DGKI: variants seen among roughly 807,000 people sequenced by gnomAD.
The protein encoded by DGKI is diacylglycerol kinase iota.
Under a neutral mutation model 147.5 loss-of-function variants are expected in DGKI, and 55 were observed. The ratio of observed to expected loss-of-function variants is 0.37; its 90% CI spans 0.30 to 0.47. The LOEUF is 0.47. Ranked by LOEUF, DGKI falls within the 20% of genes least tolerant of loss-of-function variation. The pLI is 1.00. For synonymous variants in DGKI, 469 were observed against 477.1 expected, an observed-to-expected ratio of 0.98 and a Z score of 0.22; for missense variants, 1,007 against 1,323.8, an observed-to-expected ratio of 0.76 and a Z score of 3.71.
At chr7:137,744,105 A>G (rs1795258229) in intron 1 of DGKI, among the ~76,000 whole-genome samples, 1 of 152,140 alleles carries the variant, frequency 6.6e-6, no homozygotes, top group African/African-American at 2.4e-5. Context: ...AAAACAGATA[A>G]TTGGTTCTTT....
chr7:137,830,230 C>T (rs1419175782), intron 1 of DGKI, among the ~76,000 whole-genome samples: 2 of 152,178 alleles, frequency 1.3e-5, no homozygotes, highest in Admixed American at 6.6e-5. Flanking sequence ...TTGGTCCACA[C>T]CCATACTAAT....
intron 15 of DGKI, among the ~76,000 whole-genome samples, chr7:137,580,121 T>C (rs182972707): frequency 1.8e-4 from 27 of 152,258 alleles, no homozygotes; most frequent in Admixed American, 1.2e-3. Flanking sequence ...GAGCTCATTG[T>C]TGGCCACTTA....
intron 1 of DGKI, among the ~76,000 whole-genome samples, chr7:137,713,515 A>T (rs1031904484): frequency 6.6e-6 from 1 of 152,340 alleles, no homozygotes; most frequent in Non-Finnish European, 1.5e-5. Context: ...TAAGGAACTC[A>T]TGCTAGCTCT....
At chr7:137,610,940 C>T (rs1820342258) in intron 8 of DGKI, among the ~76,000 whole-genome samples, 1 of 152,150 alleles carries the variant, frequency 6.6e-6, no homozygotes, top group Admixed American at 6.6e-5. Flanking sequence ...ATTAAAAGAT[C>T]TCAGGATCTC....
At chr7:137,761,625 C>A (rs1795859397) in intron 1 of DGKI, among the ~76,000 whole-genome samples, 1 of 152,176 alleles carries the variant, frequency 6.6e-6, no homozygotes, top group African/African-American at 2.4e-5. Flanking sequence ...CCCTTGGGCT[C>A]CCATTTGAAA....
At chr7:137,599,303 A>T (rs1214686618) in intron 11 of DGKI, among the ~76,000 whole-genome samples, 1 of 152,132 alleles carries the variant, frequency 6.6e-6, no homozygotes, top group Non-Finnish European at 1.5e-5. Context: ...CAGAAACGGG[A>T]TTGAGCAGGA....
At chr7:137,698,961 C>A (rs917537002) in intron 1 of DGKI, among the ~76,000 whole-genome samples, 1 of 152,142 alleles carries the variant, frequency 6.6e-6, no homozygotes, top group African/African-American at 2.4e-5. Flanking sequence ...TAAATGCTGT[C>A]CATGAAATGC....
At chr7:137,722,675 G>T in intron 1 of DGKI, 1 of 1,581,942 alleles carries the variant, frequency 6.3e-7, no homozygotes, top group Non-Finnish European at 8.7e-7. Flanking sequence ...CACCAGGAAG[G>T]TGAGATCTTC....
intron 1 of DGKI, among the ~76,000 whole-genome samples, chr7:137,729,927 G>GTGAACA (rs1794823853): frequency 6.6e-6 from 1 of 152,142 alleles, no homozygotes; most frequent in Admixed American, 6.5e-5. Context: ...ATCAAACGTA[G>GTGAACA]TGGTTTCTAC....
At chr7:137,624,570 C>A (rs1194685619) in intron 6 of DGKI, among the ~76,000 whole-genome samples, 2 of 152,052 alleles carry the variant, frequency 1.3e-5, no homozygotes, top group Admixed American at 1.3e-4. Context: ...TTATATACTA[C>A]CGAGCATTTC....
At position 137,517,331 on chromosome 7, in the gene DGKI, GAAAGAA is replaced by G. The variant is rs1208679195; in HGVS notation, c.2248+4529_2248+4534del. ...AGAAAGAAAGAAAGAAAGAAAGAAA[GAAAGAA>G]AGAGAAAGAAAGAAAGAAGGAAAGA... On this transcript the variant is annotated intron_variant, in intron 21 of 32. Transcript: ENST00000614521. 1.1e-3 allele frequency among the ~76,000 whole-genome samples: 117 copies of G among 110,716 alleles called. 1 individual carries two copies. Among genetic ancestry groups the G allele is most frequent in the East Asian group, 8.0e-3 (27 of 3,360 alleles). 72.6% of individuals were successfully genotyped at this position (110,716 alleles called of 152,430 possible).
intron 1 of DGKI, among the ~76,000 whole-genome samples, chr7:137,714,226 A>G (rs1794305429): frequency 6.6e-6 from 1 of 152,238 alleles, no homozygotes; most frequent in Non-Finnish European, 1.5e-5. Flanking sequence ...AATATTGGGC[A>G]TAAATTCATA....
chr7:137,711,144 C>T (rs913095665), intron 1 of DGKI, among the ~76,000 whole-genome samples: 16 of 152,034 alleles, frequency 1.1e-4, no homozygotes, highest in African/African-American at 3.9e-4. Flanking sequence ...ATAGAGCTTA[C>T]ATACTGTCAC....
rs1811180495 is a variant in DGKI at position 137,386,508 on chromosome 7, T to C, written c.*4712A>G. On this transcript the variant is annotated 3_prime_UTR_variant, in exon 33 of 33. Transcript: ENST00000614521. The stretch of plus-strand genomic sequence containing the variant: ...AGGTCAGTGGACATCCATGTGTCCT[T>C]TGAGTAAAAGGTATACTTGTCCCAG... The C allele has an allele frequency of 6.6e-6, 1 of 152,176 alleles. No individual in the cohort carries two copies. Among genetic ancestry groups the C allele is most frequent in the South Asian group, 2.1e-4 (1 of 4,828 alleles). 9.4% of individuals were successfully genotyped at this position (152,176 alleles called of 1,614,324 possible).
At chr7:137,395,012 GT>G (rs1460107490) in intron 32 of DGKI, among the ~76,000 whole-genome samples, 3 of 152,128 alleles carry the variant, frequency 2.0e-5, no homozygotes, top group Non-Finnish European at 4.4e-5. Context: ...ATGCTATCTA[GT>G]ACCTGAGGTT....
chr7:137,425,114 CT>C (rs1353879215), intron 28 of DGKI, among the ~76,000 whole-genome samples: 1 of 150,230 alleles, frequency 6.7e-6, no homozygotes, highest in African/African-American at 2.5e-5. Context: ...CCCCTGACCC[CT>C]GACCCCTGAG....
rs759927555 is a variant in DGKI, at chr7:137,465,972, CCAT to C, written c.2545_2547del (p.Met849del). 6.2e-7 allele frequency: 1 copy of C among 1,614,154 alleles called. No individual in the cohort carries two copies. The highest frequency in any genetic ancestry group is 8.5e-7 in the Non-Finnish European group (1 of 1,179,992). ...GGTGTCCCCGCCGGCTGTGACACCA[CCAT>C]ATCTGGGTCCAGAATAAAAATCTCA... is the stretch of plus-strand genomic sequence containing the variant. On this transcript the variant is annotated inframe_deletion, in exon 26 of 33. Transcript: ENST00000614521.
At chr7:137,571,323 C>T (rs899575946) in intron 18 of DGKI, 37 bp from the exon 19 acceptor site, 1 of 1,429,228 alleles carries the variant, frequency 7.0e-7, no homozygotes, top group African/African-American at 1.4e-5. Flanking sequence ...TAAATATGTC[C>T]CATCCTTCTC....
chr7:137,544,703 CCAAT>C (rs1361238166), intron 20 of DGKI, among the ~76,000 whole-genome samples: 1 of 151,976 alleles, frequency 6.6e-6, no homozygotes, highest in Non-Finnish European at 1.5e-5. Context: ...ACCAAGAAAA[CCAAT>C]CAATCATTGT....
Sources: allele counts gnomAD v4.1 joint callset (sites outside exome capture counted in the v4.1 genomes callset), GRCh38; gene constraint gnomAD v4.1.1; transcripts MANE v1.5; gene names NCBI Gene and HGNC (gene_info 2026-07-23, HGNC 2026-07-21).